The following SESN1 variants were observed in gnomAD, a reference collection of about 807,000 sequenced individuals.
SESN1 encodes the protein sestrin 1.
SESN1 carries 30 observed loss-of-function variants against 59.3 expected under a neutral mutation model. The observed-to-expected ratio is 0.51, with a 90% CI of 0.38 to 0.69. SESN1 has a LOEUF of 0.69. Ranked by LOEUF, SESN1 falls within the 30% of genes least tolerant of loss-of-function variation. The pLI is 0.00. For missense variants in SESN1, 566 were observed against 673.0 expected (o/e 0.84, Z 1.76); for synonymous variants, 197 against 219.9 (o/e 0.90, Z 0.92).
intron 1 of SESN1, among the ~76,000 whole-genome samples, chr6:109,067,540 TC>T (rs1484472257): frequency 6.6e-6 from 1 of 152,194 alleles, no homozygotes; most frequent in African/African-American, 2.4e-5. Context: ...AGAGCCTCAT[TC>T]CTATGGCTAT....
chr6:109,019,711 G>A (rs1779979903), intron 1 of SESN1, among the ~76,000 whole-genome samples: 1 of 151,966 alleles, frequency 6.6e-6, no homozygotes, highest in African/African-American at 2.4e-5. Context: ...TAAGTAGTTT[G>A]GATTTGTTCT....
chr6:109,039,180 A>C (rs1292714939), intron 1 of SESN1, among the ~76,000 whole-genome samples: 1 of 152,062 alleles, frequency 6.6e-6, no homozygotes, highest in African/African-American at 2.4e-5. Flanking sequence ...AAGAAGAAGA[A>C]GAAAGAAGAG....
chr6:108,988,631 A>C lies in SESN1; in HGVS notation c.1481T>G (p.Val494Gly). 6.2e-7 allele frequency: 1 copy of C among 1,612,696 alleles called. No individual in the cohort carries two copies. The highest frequency in any genetic ancestry group is 1.1e-5 in the South Asian group (1 of 90,822). ...INQLLDRSFK[V>G]YIKTVVCTPE... Reference sequence around the variant, plus strand: ...AGTGCAAACAACAGTTTTGATATAAACTTTAAAGCTACGATCCAATAGCTG... The same window carrying C: ...AGTGCAAACAACAGTTTTGATATAACCTTTAAAGCTACGATCCAATAGCTG... The change falls in exon 9 of 10, where the codon GTT (valine) becomes GGT (glycine). Residue 494 changes from valine to glycine, a missense_variant. Physicochemically the swap from Val to Gly is moderately radical, Grantham distance 109 (BLOSUM62 -3). Coordinates refer to ENST00000436639, the MANE Select transcript of SESN1 (RefSeq NM_014454.3).
In SESN1 at chr6:108,987,030, T is replaced by C. The variant is rs577410313; in HGVS notation, c.*514A>G. On this transcript the variant is annotated 3_prime_UTR_variant, in exon 10 of 10. Transcript: ENST00000436639. ...AATTAACACATAATGCAAGTTTAAT[T>C]TGAAATCACACAAGTTATGTATGTA... is the stretch of plus-strand genomic sequence containing the variant. 1.3e-5 allele frequency: 2 copies of C among 152,736 alleles called. No homozygotes were observed. The highest frequency in any genetic ancestry group is 2.9e-5 in the Non-Finnish European group (2 of 68,112). 9.5% of individuals were successfully genotyped at this position (152,736 alleles called of 1,614,324 possible).
rs1243907101 is a variant in SESN1 at position 109,061,435 on chromosome 6, G to A, written c.279+32360C>T. 2.6e-5 allele frequency among the ~76,000 whole-genome samples: 4 copies of A among 152,108 alleles called. No homozygotes were observed. In the East Asian group the frequency reaches 5.8e-4, roughly 22 times the overall value. ...CCATGTATTTTAAACAAAAATTAAAGGGGATGTATCAGAATTAATTCTACC... is the reference window on the plus strand; with the variant it reads ...CCATGTATTTTAAACAAAAATTAAAAGGGATGTATCAGAATTAATTCTACC... On this transcript the variant is annotated intron_variant, in intron 1 of 9. Coordinates refer to ENST00000436639, the MANE Select transcript of SESN1 (RefSeq NM_014454.3).
In SESN1 at chr6:109,042,828, G is replaced by C. The variant is rs565072186; in HGVS notation, c.280-40485C>G. ...TACATAATATTTTCCAGAAAACAAG[G>C]AGGGAAAAATTTTCAATTATTTTTA... On this transcript the variant is annotated intron_variant, in intron 1 of 9. Coordinates refer to ENST00000436639, the MANE Select transcript of SESN1 (RefSeq NM_014454.3). Among the ~76,000 whole-genome samples the C allele has an allele frequency of 2.6e-4, 40 of 152,012 alleles. 1 individual carries two copies. In the South Asian group the frequency reaches 7.5e-3, roughly 28 times the overall value.
intron 1 of SESN1, among the ~76,000 whole-genome samples, chr6:109,020,925 A>C (rs1000024959): frequency 3.3e-5 from 5 of 152,198 alleles, no homozygotes; most frequent in African/African-American, 1.2e-4. Context: ...AGTTCCCTAA[A>C]AAAGGAATTA....
At chr6:109,045,709 C>T (rs1490931894) in intron 1 of SESN1, among the ~76,000 whole-genome samples, 1 of 152,198 alleles carries the variant, frequency 6.6e-6, no homozygotes, top group Non-Finnish European at 1.5e-5. Context: ...TCATCCCCAA[C>T]CATCCAAAGC....
intron 1 of SESN1, among the ~76,000 whole-genome samples, chr6:109,027,500 AAAG>A: frequency 6.6e-6 from 1 of 151,232 alleles, no homozygotes; most frequent in Non-Finnish European, 1.5e-5. Flanking sequence ...AAAAAAAAAA[AAAG>A]AGACATCTTC....
intron 8 of SESN1, among the ~76,000 whole-genome samples, chr6:108,989,770 A>C (rs1779325297): frequency 6.6e-6 from 1 of 152,158 alleles, no homozygotes; most frequent in Non-Finnish European, 1.5e-5. Context: ...TCCTGCTTTA[A>C]GCCAAGATGG....
chr6:109,049,778 TTTTTTA>T (rs1292001235), intron 1 of SESN1, among the ~76,000 whole-genome samples: 1 of 151,160 alleles, frequency 6.6e-6, no homozygotes, highest in Non-Finnish European at 1.5e-5. Context: ...TTTATATGTA[TTTTTTA>T]ATAGCATAGA....
At chr6:109,013,175 T>A (rs1237961057) in intron 1 of SESN1, among the ~76,000 whole-genome samples, 1 of 151,788 alleles carries the variant, frequency 6.6e-6, no homozygotes. Flanking sequence ...TTCTTAAGGG[T>A]ACTGTGGAGT....
chr6:109,042,442 A>G (rs2114418405), intron 1 of SESN1, among the ~76,000 whole-genome samples: 1 of 151,874 alleles, frequency 6.6e-6, no homozygotes, highest in East Asian at 1.9e-4. Flanking sequence ...AGAAAAAAAA[A>G]TTGAAAAACC....
chr6:109,064,652 G>C (rs918003590), intron 1 of SESN1, among the ~76,000 whole-genome samples: 1 of 50,358 alleles, frequency 2.0e-5, no homozygotes, highest in Non-Finnish European at 4.2e-5. Flanking sequence ...GAGGTGGGGT[G>C]GGGGAGAGGG....
intron 1 of SESN1, among the ~76,000 whole-genome samples, chr6:109,039,100 GAGGAGA>G (rs1780296452): frequency 6.7e-6 from 1 of 149,356 alleles, no homozygotes; most frequent in South Asian, 2.2e-4. Flanking sequence ...GAGAAGGAGG[GAGGAGA>G]AGGAGAAGGA....
intron 1 of SESN1, among the ~76,000 whole-genome samples, chr6:109,031,698 G>C (rs570970626): frequency 6.6e-6 from 1 of 152,270 alleles, no homozygotes; most frequent in Non-Finnish European, 1.5e-5. Flanking sequence ...CCCAGGGTAG[G>C]AAATGGCCCA....
At chr6:108,989,545 C>A (rs1488159964) in intron 8 of SESN1, among the ~76,000 whole-genome samples, 23 of 103,102 alleles carry the variant, frequency 2.2e-4, no homozygotes, top group African/African-American at 3.1e-4. Context: ...ATAGAGATAT[C>A]TCTAGATCTA....
intron 1 of SESN1, among the ~76,000 whole-genome samples, chr6:109,045,902 C>T (rs529755219): frequency 2.0e-5 from 3 of 151,998 alleles, no homozygotes; most frequent in Admixed American, 6.5e-5. Flanking sequence ...ATGTGAGGCA[C>T]GATATGGAAG....
At chr6:109,088,298 G>C (rs1562478150) in intron 1 of SESN1, 1 of 152,090 alleles carries the variant, frequency 6.6e-6, no homozygotes, top group Non-Finnish European at 1.5e-5. Flanking sequence ...TTGAGCCAAT[G>C]AATCAATCAA....
Sources: allele counts gnomAD v4.1 joint callset (sites outside exome capture counted in the v4.1 genomes callset), GRCh38; gene constraint gnomAD v4.1.1; transcripts MANE v1.5; gene names NCBI Gene and HGNC (gene_info 2026-07-23, HGNC 2026-07-21).